DIMT1: variants seen among roughly 807,000 people sequenced by gnomAD.
The protein encoded by DIMT1 is dimethyladenosine transferase.
Under a neutral mutation model 43.2 loss-of-function variants are expected in DIMT1, and 36 were observed. That is an observed-to-expected ratio of 0.83 (90% CI 0.64 to 1.10). The LOEUF (loss-of-function observed/expected upper bound fraction) is 1.10. Ranked by LOEUF, DIMT1 falls within the 50% of genes least tolerant of loss-of-function variation. The pLI is 0.00. For missense variants in DIMT1, 341 were observed against 385.3 expected, an observed-to-expected ratio of 0.88 and a Z score of 0.96; for synonymous variants, 126 against 130.3, an observed-to-expected ratio of 0.97 and a Z score of 0.22.
chr5:62,399,864 C>T (rs1308834318), intron 3 of DIMT1, among the ~76,000 whole-genome samples: 2 of 152,082 alleles, frequency 1.3e-5, no homozygotes, highest in Non-Finnish European at 2.9e-5. Context: ...CGAGATCGCG[C>T]CACAGCACTC....
In DIMT1 at chr5:62,397,750, G is replaced by A. The variant is rs908269995; in HGVS notation, c.446+761C>T. ...TGCAAGCTCCGCCTCCCGGGTTCAC[G>A]CCATTCTCCTGCCTCAGCCTCCCGA... On this transcript the variant is annotated intron_variant, in intron 6 of 11. Coordinates refer to ENST00000199320, the MANE Select transcript of DIMT1 (RefSeq NM_014473.4). Among the ~76,000 whole-genome samples the A allele has an allele frequency of 1.8e-4, 27 of 151,830 alleles. 1 individual carries two copies. Among genetic ancestry groups the A allele is most frequent in the South Asian group, 6.2e-4 (3 of 4,818 alleles).
Position 62,401,931 on chromosome 5 carries a change from T to C in DIMT1, c.240+105A>G, listed in dbSNP as rs1029087365. The C allele has an allele frequency of 4.5e-6, 5 of 1,119,708 alleles. No homozygotes were observed. The South Asian group carries it at 6.9e-5, about 16-fold the overall frequency. 69.4% of individuals were successfully genotyped at this position (1,119,708 alleles called of 1,614,324 possible). A position where few individuals can be genotyped will look rare whatever the true frequency, so the allele number is the denominator to read the frequency against. Reference sequence around the variant, plus strand: ...AAATTTCCAACAAGGGATCAGGAGTTACTACTAAAATAATAGCAATTAGTT... The same window carrying C: ...AAATTTCCAACAAGGGATCAGGAGTCACTACTAAAATAATAGCAATTAGTT... On this transcript the variant is annotated intron_variant, in intron 3 of 11. Coordinates refer to ENST00000199320, the MANE Select transcript of DIMT1 (RefSeq NM_014473.4).
rs1483216806 is a variant in DIMT1, at chr5:62,387,385, T to G, written c.*1625A>C. ...ACTTTCAAAGGGCAATAAAGACATGTGAATTTGCTCATTTTAAAGCACAAC... is the reference window on the plus strand; with the variant it reads ...ACTTTCAAAGGGCAATAAAGACATGGGAATTTGCTCATTTTAAAGCACAAC... On this transcript the variant is annotated 3_prime_UTR_variant, in exon 12 of 12. Coordinates refer to ENST00000199320, the MANE Select transcript of DIMT1 (RefSeq NM_014473.4). The G allele has an allele frequency of 2.6e-5, 4 of 152,198 alleles. No homozygotes were observed. The highest frequency in any genetic ancestry group is 9.7e-5 in the African/African-American group (4 of 41,434). 9.4% of individuals were successfully genotyped at this position (152,198 alleles called of 1,614,324 possible).
chr5:62,400,623 A>C (rs1005659732), intron 3 of DIMT1, among the ~76,000 whole-genome samples: 1 of 152,010 alleles, frequency 6.6e-6, no homozygotes, highest in African/African-American at 2.4e-5. Flanking sequence ...GCTTTAAGCA[A>C]TCTTCCTGCC....
At chr5:62,394,104 C>G (rs1742398288) in intron 7 of DIMT1, 57 bp from the exon 8 acceptor site, 2 of 1,485,370 alleles carry the variant, frequency 1.3e-6, no homozygotes, top group East Asian at 4.5e-5. Context: ...ATTTAGTAAC[C>G]AGATATGCTA....
intron 6 of DIMT1, among the ~76,000 whole-genome samples, chr5:62,396,209 G>A (rs1580125249): frequency 2.2e-5 from 3 of 134,700 alleles, no homozygotes; most frequent in Admixed American, 8.2e-5. Context: ...ACTGGGAAAC[G>A]AAAATAAATC....
chr5:62,393,997 T>TAA lies in DIMT1; in HGVS notation c.620_621insTT (p.Arg208Ter), dbSNP rs1742393853. 6.2e-7 allele frequency: 1 copy of TAA among 1,612,746 alleles called. No individual in the cohort carries two copies. The highest frequency in any genetic ancestry group is 8.5e-7 in the Non-Finnish European group (1 of 1,179,662). On this transcript the variant is annotated frameshift_variant, in exon 8 of 12. Coordinates refer to ENST00000199320, the MANE Select transcript of DIMT1 (RefSeq NM_014473.4). LOFTEE classifies it high-confidence loss of function. ...GTGGTGGATTCTTAGGTTCTATCCTTACAACACTGGATTCCACCTTGGGCG... is the reference window on the plus strand; with the variant it reads ...GTGGTGGATTCTTAGGTTCTATCCTTAAACAACACTGGATTCCACCTTGGGCG...
chr5:62,392,949 G>C lies in DIMT1; in HGVS notation c.705C>G (p.Asn235Lys). Residue 235 changes from asparagine (N) to lysine (K), a missense_variant, in exon 9 of 12, where the codon AAC becomes AAG. Physicochemically the swap from Asn to Lys is moderately conservative, Grantham distance 94. Coordinates refer to ENST00000199320, the MANE Select transcript of DIMT1 (RefSeq NM_014473.4). ...ACTTAAATGCAGCAGAGAGTGTCTTGTTTTTCCTAACAAAGGTTATCCTTA... is the reference window on the plus strand; with the variant it reads ...ACTTAAATGCAGCAGAGAGTGTCTTCTTTTTCCTAACAAAGGTTATCCTTA... ...GLVRITFVRK[N>K]KTLSAAFKSS... is the part of the protein sequence containing the mutation. 3 of 1,610,104 alleles carry C rather than the reference G, an allele frequency of 1.9e-6. No individual in the cohort carries two copies. The highest frequency in any genetic ancestry group is 2.5e-6 in the Non-Finnish European group (3 of 1,176,788).
intron 2 of DIMT1, 62 bp downstream of exon 2, chr5:62,403,211 T>C (rs979399649): frequency 2.8e-6 from 4 of 1,442,480 alleles, no homozygotes; most frequent in African/African-American, 1.4e-5. Context: ...TCTGCGCTTA[T>C]GTATTCATAG....
At chr5:62,398,130 C>CA (rs1396398906) in intron 6 of DIMT1, among the ~76,000 whole-genome samples, 1 of 151,676 alleles carries the variant, frequency 6.6e-6, no homozygotes, top group Non-Finnish European at 1.5e-5. Flanking sequence ...TATTTTGGTG[C>CA]AAAAAAATTT....
chr5:62,398,855 C>A lies in DIMT1; in HGVS notation c.267G>T (p.Arg89Ser). 3 of 1,613,438 alleles carry A rather than the reference C, an allele frequency of 1.9e-6. No homozygotes were observed. The highest frequency in any genetic ancestry group is 1.7e-6 in the Non-Finnish European group (2 of 1,179,698). The change falls in exon 4 of 12, where the codon AGG becomes AGT. Residue 89 changes from arginine (R) to serine (S), a missense_variant. Arg to Ser is a moderately radical substitution (Grantham distance 110, BLOSUM62 -1). Coordinates refer to ENST00000199320, the MANE Select transcript of DIMT1 (RefSeq NM_014473.4). ...KKVVACELDP[R>S]LVAELHKRVQ... ...CTCTTTTGTGAAGTTCAGCTACTAG[C>A]CTTGGGTCAAGTTCACAAGCAACAA...
intron 11 of DIMT1, among the ~76,000 whole-genome samples, chr5:62,389,401 G>C (rs1304597515): frequency 6.6e-6 from 1 of 150,674 alleles, no homozygotes; most frequent in Non-Finnish European, 1.5e-5. Context: ...CAGGAGATTT[G>C]CCTGAACCCA....
In DIMT1 at chr5:62,393,676, TG is replaced by T. The variant is rs1742380209; in HGVS notation, c.663+278del. On this transcript the variant is annotated intron_variant, in intron 8 of 11. Coordinates refer to ENST00000199320, the MANE Select transcript of DIMT1 (RefSeq NM_014473.4). ...TCAAAAAACAATTACAATGAAAAGA[TG>T]TTACCCATAATACTACTTTAAAACA... 3.3e-5 allele frequency among the ~76,000 whole-genome samples: 5 copies of T among 152,310 alleles called. No individual in the cohort carries two copies. The South Asian group carries it at 1.0e-3, about 32-fold the overall frequency.
intron 3 of DIMT1, 48 bp downstream of exon 3, chr5:62,401,988 T>C (rs1486677769): frequency 6.4e-7 from 1 of 1,562,344 alleles, no homozygotes; most frequent in East Asian, 2.2e-5. Flanking sequence ...CCAACTGAGC[T>C]TGCTAACATA....
Position 62,394,047 on chromosome 5 carries a change from C to G in DIMT1, c.571G>C (p.Val191Leu), listed in dbSNP as rs759830970. ...LLARVDHLMK[V>L]GKNNFRPPPK... ...GGTGGTCTGAAGTTATTCTTTCCCA[C>G]CTGTTAATGAAAAAGTATTTAAGTA... Residue 191 changes from valine (V) to leucine (L), a missense_variant and splice_region_variant, in exon 8 of 12, where the codon GTG becomes CTG. Coordinates refer to ENST00000199320, the MANE Select transcript of DIMT1 (RefSeq NM_014473.4). 1.2e-6 allele frequency: 2 copies of G among 1,609,926 alleles called. No individual in the cohort carries two copies. Among genetic ancestry groups the G allele is most frequent in the South Asian group, 2.2e-5 (2 of 89,884 alleles).
In DIMT1 at chr5:62,387,988, C is replaced by T. The variant is rs1742118712; in HGVS notation, c.*1022G>A. ...TATTTTTATTAATTTTTTATAGAAACAAAATAGCTACTATAACTCTATTAT... is the reference window on the plus strand; with the variant it reads ...TATTTTTATTAATTTTTTATAGAAATAAAATAGCTACTATAACTCTATTAT... On this transcript the variant is annotated 3_prime_UTR_variant, in exon 12 of 12. Transcript: ENST00000199320. 6.6e-6 allele frequency: 1 copy of T among 151,818 alleles called. No homozygotes were observed. Among genetic ancestry groups the T allele is most frequent in the Non-Finnish European group, 1.5e-5 (1 of 67,948 alleles). 9.4% of individuals were successfully genotyped at this position (151,818 alleles called of 1,614,324 possible). A position where few individuals can be genotyped will look rare whatever the true frequency, so the allele number is the denominator to read the frequency against.
At chr5:62,398,476 A>C in intron 6 of DIMT1, 35 bp downstream of exon 6, 2 of 1,604,108 alleles carry the variant, frequency 1.2e-6, no homozygotes, top group Non-Finnish European at 1.7e-6. Flanking sequence ...AAGTCTTTCA[A>C]AATTTGGCAG....
rs1377809439 is a variant in DIMT1, at chr5:62,387,961, G to T, written c.*1049C>A. On this transcript the variant is annotated 3_prime_UTR_variant, in exon 12 of 12. Coordinates refer to ENST00000199320, the MANE Select transcript of DIMT1 (RefSeq NM_014473.4). ...TTAAAAAAAGCCAAATATCAATAAA[G>T]ATATTTTTATTAATTTTTTATAGAA... 1 of 151,830 alleles carries T rather than the reference G, an allele frequency of 6.6e-6. No individual in the cohort carries two copies. The highest frequency in any genetic ancestry group is 1.9e-4 in the East Asian group (1 of 5,188). The allele number at this position is 151,830 out of a possible 1,614,324, so 9.4% of individuals were successfully genotyped here.
rs1742414420 is a variant in DIMT1, at chr5:62,394,568, T to C, written c.486A>G (p.Arg162=). 9.9e-6 allele frequency: 16 copies of C among 1,614,204 alleles called. No homozygotes were observed. The highest frequency in any genetic ancestry group is 1.3e-5 in the Non-Finnish European group (15 of 1,180,042). The part of the protein sequence containing the change: ...ILMFQREFAL[R]LVAKPGDKLY... ...ACTTATCTCCAGGTTTTGCAACCAG[T>C]CGGAGGGCAAATTCTCTTTGAAACA... The change falls in exon 7 of 12, where the codon CGA becomes CGG. Residue 162 remains arginine, a synonymous_variant. Transcript: ENST00000199320.
Sources: gnomAD v4.1 joint callset for allele counts (sites outside exome capture counted in the v4.1 genomes callset) on GRCh38, gnomAD v4.1.1 for gene constraint, MANE v1.5 for transcripts, NCBI Gene and HGNC (gene_info 2026-07-23, HGNC 2026-07-21) for gene names.